The following COL4A2 variants were observed in gnomAD, a reference collection of about 807,000 sequenced individuals.
COL4A2 encodes collagen alpha-2(IV) chain.
A neutral mutation model predicts 200.2 loss-of-function variants in COL4A2; 99 were observed. The observed-to-expected ratio is 0.49, with a 90% CI of 0.42 to 0.58. The LOEUF (loss-of-function observed/expected upper bound fraction) is 0.58. COL4A2 is among the 20% of genes least tolerant of loss of function. The pLI, the probability that COL4A2 is intolerant of heterozygous loss-of-function variation, is 0.00. For synonymous variants in COL4A2, 897 were observed against 900.6 expected (o/e 1.00, Z 0.07); for missense variants, 1,950 against 2,314.1 (o/e 0.84, Z 3.23).
chr13:110,465,911 A>C, intron 25 of COL4A2, 92 bp from the exon 26 acceptor site: 1 of 1,462,842 alleles, frequency 6.8e-7, no homozygotes, highest in Non-Finnish European at 9.4e-7. Context: ...AACATATACG[A>C]CACACCTTCA....
At chr13:110,355,061 AAG>A (rs1566489363) in intron 3 of COL4A2, among the ~76,000 whole-genome samples, 1 of 152,246 alleles carries the variant, frequency 6.6e-6, no homozygotes, top group Non-Finnish European at 1.5e-5. Flanking sequence ...AGAGAGTGAA[AAG>A]GCTGTGGTAA....
At chr13:110,390,155 G>A (rs551469327) in intron 4 of COL4A2, among the ~76,000 whole-genome samples, 16 of 152,160 alleles carry the variant, frequency 1.1e-4, no homozygotes, top group Non-Finnish European at 1.9e-4. Context: ...GTAAATATTC[G>A]TAAGACACAA....
intron 4 of COL4A2, among the ~76,000 whole-genome samples, chr13:110,364,395 C>T (rs1324792739): frequency 1.3e-5 from 2 of 152,140 alleles, no homozygotes; most frequent in Non-Finnish European, 2.9e-5. Context: ...TCTATCAAAT[C>T]CTCAATGGTG....
intron 38 of COL4A2, 70 bp downstream of exon 38, chr13:110,492,247 A>G: frequency 7.3e-7 from 1 of 1,375,336 alleles, no homozygotes; most frequent in Non-Finnish European, 1.0e-6. Context: ...ACCGCTGAGC[A>G]GGCCAGCCTC....
At chr13:110,477,909 G>C in intron 29 of COL4A2, 94 bp from the exon 30 acceptor site, 1 of 1,228,774 alleles carries the variant, frequency 8.1e-7, no homozygotes. Flanking sequence ...AGCATGAATT[G>C]CTCTTTTTAC....
intron 3 of COL4A2, among the ~76,000 whole-genome samples, chr13:110,349,823 G>A (rs569844511): frequency 6.6e-6 from 1 of 151,948 alleles, no homozygotes; most frequent in Admixed American, 6.5e-5. Flanking sequence ...GAGTGCAGTA[G>A]CACAGTCGTG....
At chr13:110,317,240 CATAT>C (rs1885159701) in intron 3 of COL4A2, among the ~76,000 whole-genome samples, 1 of 151,188 alleles carries the variant, frequency 6.6e-6, no homozygotes, top group African/African-American at 2.4e-5. Flanking sequence ...CACACATGTA[CATAT>C]AGACACACTT....
intron 3 of COL4A2, among the ~76,000 whole-genome samples, chr13:110,332,066 C>A (rs778870274): frequency 3.3e-5 from 5 of 152,102 alleles, no homozygotes; most frequent in Non-Finnish European, 7.4e-5. Flanking sequence ...ACAATAGATT[C>A]TGTTGTGTTT....
intron 4 of COL4A2, among the ~76,000 whole-genome samples, chr13:110,389,933 A>C (rs2139421108): frequency 6.6e-6 from 1 of 152,300 alleles, no homozygotes; most frequent in East Asian, 1.9e-4. Context: ...CTCCCTTCTC[A>C]AAAATATCAG....
At chr13:110,315,408 G>A (rs1397128953) in intron 3 of COL4A2, among the ~76,000 whole-genome samples, 1 of 152,074 alleles carries the variant, frequency 6.6e-6, no homozygotes. Context: ...TTTCGTTTTT[G>A]TTTTAGAGGT....
At chr13:110,375,380 T>G (rs1240246361) in intron 4 of COL4A2, among the ~76,000 whole-genome samples, 1 of 152,198 alleles carries the variant, frequency 6.6e-6, no homozygotes, top group African/African-American at 2.4e-5. Flanking sequence ...CGTTTTCTCT[T>G]TCTGTGGAAC....
chr13:110,489,239 GAAAT>G (rs4000232), intron 34 of COL4A2, among the ~76,000 whole-genome samples: 3 of 152,146 alleles, frequency 2.0e-5, no homozygotes, highest in South Asian at 2.1e-4. Context: ...CTGTCTCAAA[GAAAT>G]AAATAAATAA....
At chr13:110,479,845 C>G (rs1882835169) in intron 30 of COL4A2, among the ~76,000 whole-genome samples, 1 of 152,176 alleles carries the variant, frequency 6.6e-6, no homozygotes, top group African/African-American at 2.4e-5. Context: ...CGGGCTGGAG[C>G]CAGTGATGTT....
At chr13:110,484,757 A>G in intron 32 of COL4A2, 148 bp from the exon 33 acceptor site, 1 of 1,158,992 alleles carries the variant, frequency 8.6e-7, no homozygotes. Context: ...GACACAGGAG[A>G]GGCTTCTCCG....
intron 3 of COL4A2, among the ~76,000 whole-genome samples, chr13:110,321,194 G>A (rs200319721): frequency 7.9e-6 from 1 of 125,804 alleles, no homozygotes; most frequent in African/African-American, 3.1e-5. Flanking sequence ...GTGTGTGTGT[G>A]TATGTGTCTG....
At chr13:110,445,726 A>C in intron 16 of COL4A2, 103 bp from the exon 17 acceptor site, 10 of 1,434,354 alleles carry the variant, frequency 7.0e-6, no homozygotes, top group Non-Finnish European at 8.8e-6. Context: ...ACATGACTTT[A>C]ATAAACTGTT....
intron 20 of COL4A2, among the ~76,000 whole-genome samples, chr13:110,454,021 A>T (rs1476960924): frequency 6.6e-6 from 1 of 152,188 alleles, no homozygotes; most frequent in Non-Finnish European, 1.5e-5. Flanking sequence ...ACTGATGAAA[A>T]CCAGAGTTTT....
At chr13:110,412,427 C>T (rs924348567) in intron 4 of COL4A2, among the ~76,000 whole-genome samples, 3 of 152,184 alleles carry the variant, frequency 2.0e-5, no homozygotes, top group Non-Finnish European at 2.9e-5. Context: ...CCTGCCACCT[C>T]GTGTTCACCA....
intron 34 of COL4A2, among the ~76,000 whole-genome samples, chr13:110,487,104 C>T (rs778340383): frequency 2.0e-5 from 3 of 152,194 alleles, no homozygotes; most frequent in Non-Finnish European, 4.4e-5. Flanking sequence ...CCAAAATCTG[C>T]AGCTGAGAGT....
Sources: allele counts gnomAD v4.1 joint callset (sites outside exome capture counted in the v4.1 genomes callset), GRCh38; gene constraint gnomAD v4.1.1; transcripts MANE v1.5; gene names NCBI Gene and HGNC (gene_info 2026-07-23, HGNC 2026-07-21).